The following NCKAP5 variants were observed in gnomAD, a reference collection of about 807,000 sequenced individuals.
The protein encoded by NCKAP5 is nck-associated protein 5.
In NCKAP5, 92 loss-of-function variants were observed where a neutral mutation model predicts 167.0. The observed-to-expected ratio is 0.55, with a 90% CI of 0.47 to 0.66. The LOEUF (loss-of-function observed/expected upper bound fraction) is 0.66. Ranked by LOEUF, NCKAP5 falls within the 30% of genes least tolerant of loss-of-function variation. NCKAP5 has a pLI of 0.00. For missense variants in NCKAP5, 2,378 were observed against 2,315.0 expected (o/e 1.03, Z -0.56); for synonymous variants, 891 against 877.4 (o/e 1.02, Z -0.27).
rs116247108 is a variant in NCKAP5, at chr2:133,414,256, G to A, written c.69+103202C>T. Among the ~76,000 whole-genome samples, 373 of 152,260 alleles carry A rather than the reference G, an allele frequency of 2.4e-3. 2 individuals carry two copies. The highest frequency in any genetic ancestry group is 8.6e-3 in the African/African-American group (356 of 41,556). ...AAAATTGGAAATACCTAGACACAAGGTTTAACTGGAACTCTCCATATATGT... is the reference window on the plus strand; with the variant it reads ...AAAATTGGAAATACCTAGACACAAGATTTAACTGGAACTCTCCATATATGT... On this transcript the variant is annotated intron_variant, in intron 3 of 19. Coordinates refer to ENST00000409261, the MANE Select transcript of NCKAP5 (RefSeq NM_207363.3).
At chr2:132,676,227 A>G (rs1323400302) in intron 19 of NCKAP5, among the ~76,000 whole-genome samples, 1 of 150,084 alleles carries the variant, frequency 6.7e-6, no homozygotes, top group Non-Finnish European at 1.5e-5. Context: ...CAGTATGTAT[A>G]CCGAATTGCA....
intron 5 of NCKAP5, among the ~76,000 whole-genome samples, chr2:133,173,974 C>A (rs189475690): frequency 7.4e-5 from 11 of 148,502 alleles, no homozygotes; most frequent in African/African-American, 1.0e-4. Flanking sequence ...AAAATACATA[C>A]GCTTTTTTTC....
intron 5 of NCKAP5, among the ~76,000 whole-genome samples, chr2:133,188,065 G>A (rs2085030229): frequency 1.3e-5 from 2 of 151,978 alleles, no homozygotes; most frequent in Admixed American, 6.6e-5. Flanking sequence ...TTTCTTCCTG[G>A]CATCGATGGT....
At chr2:132,706,059 C>G (rs528508492) in intron 19 of NCKAP5, among the ~76,000 whole-genome samples, 13 of 152,070 alleles carry the variant, frequency 8.5e-5, no homozygotes, top group Non-Finnish European at 1.3e-4. Context: ...TATATATACA[C>G]ATATACAAAT....
the NCKAP5 span, among the ~76,000 whole-genome samples, chr2:133,624,780 T>C: frequency 6.6e-6 from 1 of 152,202 alleles, no homozygotes; most frequent in Non-Finnish European, 1.5e-5. Flanking sequence ...AGGTATGGCA[T>C]GTGTCAGCAC....
chr2:133,066,034 T>C (rs1369201603), intron 6 of NCKAP5, among the ~76,000 whole-genome samples: 2 of 152,170 alleles, frequency 1.3e-5, no homozygotes, highest in African/African-American at 4.8e-5. Flanking sequence ...AGTGTATGTG[T>C]GAATGTGCAT....
chr2:132,773,494 C>A (rs1480843022), intron 16 of NCKAP5, among the ~76,000 whole-genome samples: 1 of 152,212 alleles, frequency 6.6e-6, no homozygotes, highest in African/African-American at 2.4e-5. Context: ...AAGCCACCAC[C>A]TACACTTCTA....
intron 4 of NCKAP5, among the ~76,000 whole-genome samples, chr2:133,215,018 C>T (rs2086365956): frequency 6.6e-6 from 1 of 152,184 alleles, no homozygotes; most frequent in Admixed American, 6.5e-5. Context: ...AAATAGTTCT[C>T]TCTGAATAAA....
At chr2:133,143,197 A>G (rs1184608656) in intron 5 of NCKAP5, among the ~76,000 whole-genome samples, 1 of 152,076 alleles carries the variant, frequency 6.6e-6, no homozygotes, top group African/African-American at 2.4e-5. Context: ...CAGATTCAAC[A>G]TGCACAAAGA....
chr2:132,858,957 A>C (rs2148706754), intron 11 of NCKAP5, among the ~76,000 whole-genome samples: 1 of 152,366 alleles, frequency 6.6e-6, no homozygotes, highest in African/African-American at 2.4e-5. Context: ...CAGAACAGAA[A>C]AAAAATCAGG....
At chr2:133,533,335 G>A (rs767762073) in intron 2 of NCKAP5, among the ~76,000 whole-genome samples, 32 of 152,212 alleles carry the variant, frequency 2.1e-4, no homozygotes, top group Non-Finnish European at 3.5e-4. Flanking sequence ...GATCATCTAT[G>A]TAAAATCTCT....
chr2:133,106,500 T>C (rs2149699904), intron 6 of NCKAP5, among the ~76,000 whole-genome samples: 1 of 152,280 alleles, frequency 6.6e-6, no homozygotes, highest in East Asian at 1.9e-4. Context: ...GCCCAAATGC[T>C]AGTTCTTCCA....
intron 3 of NCKAP5, among the ~76,000 whole-genome samples, chr2:133,425,724 A>G (rs1199902440): frequency 6.6e-6 from 1 of 152,214 alleles, no homozygotes; most frequent in African/African-American, 2.4e-5. Flanking sequence ...CAAATTCTAA[A>G]TATTTCAAAT....
intron 11 of NCKAP5, among the ~76,000 whole-genome samples, chr2:132,853,066 G>A (rs1689196057): frequency 6.6e-6 from 1 of 152,168 alleles, no homozygotes; most frequent in Non-Finnish European, 1.5e-5. Flanking sequence ...CCATGAATAT[G>A]ATTGTGCAGC....
chr2:133,200,714 C>A (rs2085648424), intron 5 of NCKAP5, among the ~76,000 whole-genome samples: 1 of 152,138 alleles, frequency 6.6e-6, no homozygotes, highest in Non-Finnish European at 1.5e-5. Context: ...AATCATTTCT[C>A]GTAACAGACT....
intron 3 of NCKAP5, among the ~76,000 whole-genome samples, chr2:133,419,412 C>A (rs1265714617): frequency 2.6e-5 from 4 of 152,068 alleles, no homozygotes; most frequent in Non-Finnish European, 4.4e-5. Flanking sequence ...TCATTTGGCC[C>A]ACAAAGTGGA....
intron 7 of NCKAP5, among the ~76,000 whole-genome samples, chr2:132,969,044 C>G (rs2076749037): frequency 6.6e-6 from 1 of 151,988 alleles, no homozygotes; most frequent in Admixed American, 6.6e-5. Flanking sequence ...GACTTATTTA[C>G]TTATTTATTT....
the NCKAP5 span, among the ~76,000 whole-genome samples, chr2:133,614,077 C>T: frequency 6.6e-6 from 1 of 152,120 alleles, no homozygotes; most frequent in African/African-American, 2.4e-5. Context: ...TCCAAGACTA[C>T]ACAGGAACAT....
At chr2:132,986,692 A>G (rs1416247775) in intron 7 of NCKAP5, among the ~76,000 whole-genome samples, 1 of 152,260 alleles carries the variant, frequency 6.6e-6, no homozygotes, top group Non-Finnish European at 1.5e-5. Context: ...ATCTTTTATA[A>G]TTGATAGTTT....
Sources: gnomAD v4.1 joint callset for allele counts (sites outside exome capture counted in the v4.1 genomes callset) on GRCh38, gnomAD v4.1.1 for gene constraint, MANE v1.5 for transcripts, NCBI Gene and HGNC (gene_info 2026-07-23, HGNC 2026-07-21) for gene names.